DCC: variants seen among roughly 807,000 people sequenced by gnomAD.
The protein encoded by DCC is DCC netrin 1 receptor.
In DCC, 58 loss-of-function variants were observed where a neutral mutation model predicts 172.5. The observed-to-expected ratio is 0.34, with a 90% CI of 0.27 to 0.42. The LOEUF (loss-of-function observed/expected upper bound fraction) is 0.42, where lower values mean the gene tolerates loss of function less well. Among genes scored for constraint, DCC ranks in the 10% least tolerant of loss-of-function variants. The probability of loss-of-function intolerance (pLI) is 1.00; values close to 1 mark genes in which losing one functional copy is unlikely to be tolerated. For synonymous variants in DCC, 709 were observed against 644.5 expected, an observed-to-expected ratio of 1.10 and a Z score of -1.52; for missense variants, 1,740 against 1,791.0, an observed-to-expected ratio of 0.97 and a Z score of 0.51.
At chr18:53,396,109 TA>T (rs11419804) in intron 17 of DCC, among the ~76,000 whole-genome samples, 58 of 147,748 alleles carry the variant, frequency 3.9e-4, no homozygotes, top group East Asian at 9.9e-4. Context: ...GTAGTAGAAT[TA>T]AAAAAAAAAA....
chr18:53,180,611 C>G (rs1377804064), intron 9 of DCC, among the ~76,000 whole-genome samples: 1 of 152,174 alleles, frequency 6.6e-6, no homozygotes, highest in Non-Finnish European at 1.5e-5. Flanking sequence ...ATTTAAATCA[C>G]TAAACAATGC....
At chr18:53,407,588 A>G (rs1432524333) in intron 19 of DCC, among the ~76,000 whole-genome samples, 2 of 138,736 alleles carry the variant, frequency 1.4e-5, no homozygotes, top group African/African-American at 2.6e-5. Context: ...ATATATGTTC[A>G]GTAACTTTTA....
chr18:52,575,412 T>A (rs746402121), intron 1 of DCC, among the ~76,000 whole-genome samples: 1 of 152,190 alleles, frequency 6.6e-6, no homozygotes, highest in African/African-American at 2.4e-5. Context: ...ATTACTCACG[T>A]TATTCACTGC....
chr18:53,342,850 A>G (rs1469960396), intron 15 of DCC, among the ~76,000 whole-genome samples: 2 of 147,738 alleles, frequency 1.4e-5, no homozygotes, highest in Non-Finnish European at 3.0e-5. Flanking sequence ...TCCTAAATAT[A>G]TATACATATG....
chr18:53,428,325 A>AGAT (rs1555670523), intron 21 of DCC, among the ~76,000 whole-genome samples: 12 of 55,972 alleles, frequency 2.1e-4, no homozygotes, highest in African/African-American at 7.2e-4. Flanking sequence ...ATATAATATA[A>AGAT]TATAATATAT....
At chr18:52,469,106 G>T (rs1988873245) in intron 1 of DCC, among the ~76,000 whole-genome samples, 2 of 152,078 alleles carry the variant, frequency 1.3e-5, no homozygotes, top group South Asian at 2.1e-4. Flanking sequence ...CATCCAGGCT[G>T]GAGTGCAGTG....
At chr18:52,533,937 T>A (rs971204572) in intron 1 of DCC, among the ~76,000 whole-genome samples, 8 of 152,138 alleles carry the variant, frequency 5.3e-5, no homozygotes, top group African/African-American at 1.9e-4. Flanking sequence ...TTTTAGCTAT[T>A]CTGGTAAGTA....
At chr18:52,516,763 T>A (rs901712042) in intron 1 of DCC, among the ~76,000 whole-genome samples, 2 of 152,230 alleles carry the variant, frequency 1.3e-5, no homozygotes, top group African/African-American at 4.8e-5. Flanking sequence ...TTTTTTTTCC[T>A]GGCTTCACAT....
intron 1 of DCC, among the ~76,000 whole-genome samples, chr18:52,670,655 C>A (rs2035535134): frequency 1.3e-5 from 2 of 152,106 alleles, no homozygotes; most frequent in African/African-American, 4.8e-5. Context: ...GCCTAGCCAA[C>A]ATGGCGAAAC....
chr18:53,401,966 A>G (rs560095315), intron 18 of DCC, among the ~76,000 whole-genome samples: 1 of 152,310 alleles, frequency 6.6e-6, no homozygotes, highest in East Asian at 1.9e-4. Context: ...CTGGATTGAT[A>G]CTAAGACACT....
chr18:53,042,125 G>C (rs1347049134), intron 5 of DCC, among the ~76,000 whole-genome samples: 1 of 151,990 alleles, frequency 6.6e-6, no homozygotes, highest in Admixed American at 6.6e-5. Flanking sequence ...CATTCAGTAT[G>C]ATATTGGCTG....
At chr18:52,988,412 C>A (rs770685108) in intron 5 of DCC, among the ~76,000 whole-genome samples, 1 of 152,030 alleles carries the variant, frequency 6.6e-6, no homozygotes. Context: ...AAGGATTGCT[C>A]CTCTGTAGAC....
intron 1 of DCC, among the ~76,000 whole-genome samples, chr18:52,690,219 G>A (rs1192376230): frequency 6.6e-6 from 1 of 152,124 alleles, no homozygotes; most frequent in Non-Finnish European, 1.5e-5. Flanking sequence ...ACATCTGACT[G>A]GAAGGCACTG....
intron 2 of DCC, among the ~76,000 whole-genome samples, chr18:52,795,506 G>A (rs575582181): frequency 1.3e-5 from 2 of 151,440 alleles, no homozygotes; most frequent in Non-Finnish European, 1.5e-5. Flanking sequence ...TCTTTTTCTT[G>A]GTTAATCTAG....
At chr18:52,435,572 T>A (rs1327650986) in intron 1 of DCC, among the ~76,000 whole-genome samples, 1 of 152,194 alleles carries the variant, frequency 6.6e-6, no homozygotes, top group Non-Finnish European at 1.5e-5. Context: ...CATCACCCTC[T>A]TGAAGGGTTG....
chr18:52,770,753 G>A (rs1004349164), intron 2 of DCC, among the ~76,000 whole-genome samples: 6 of 152,180 alleles, frequency 3.9e-5, no homozygotes, highest in Non-Finnish European at 8.8e-5. Flanking sequence ...TCAGTGTACA[G>A]GGAAAACCTA....
intron 26 of DCC, among the ~76,000 whole-genome samples, chr18:53,498,625 G>C (rs534446881): frequency 3.3e-5 from 5 of 150,296 alleles, no homozygotes; most frequent in Non-Finnish European, 5.9e-5. Context: ...GGCACTCACA[G>C]TAACCGTGCA....
chr18:53,233,338 A>G (rs1232529028), intron 12 of DCC, among the ~76,000 whole-genome samples: 1 of 152,182 alleles, frequency 6.6e-6, no homozygotes, highest in Non-Finnish European at 1.5e-5. Flanking sequence ...CCCAAAATAC[A>G]CATTTTTTTG....
chr18:53,417,012 C>A (rs1473530408), intron 21 of DCC, among the ~76,000 whole-genome samples: 1 of 152,168 alleles, frequency 6.6e-6, no homozygotes, highest in Non-Finnish European at 1.5e-5. Flanking sequence ...TCAGTGCTGT[C>A]AGTATTTGTA....
Sources: allele counts gnomAD v4.1 joint callset (sites outside exome capture counted in the v4.1 genomes callset), GRCh38; gene constraint gnomAD v4.1.1; transcripts MANE v1.5; gene names NCBI Gene and HGNC (gene_info 2026-07-23, HGNC 2026-07-21).